GDAP2: variants seen among roughly 807,000 people sequenced by gnomAD.
The protein encoded by GDAP2 is ganglioside-induced differentiation-associated protein 2.
In GDAP2, 51 loss-of-function variants were observed where a neutral mutation model predicts 67.0. That is an observed-to-expected ratio of 0.76 (90% CI 0.61 to 0.96). The LOEUF (loss-of-function observed/expected upper bound fraction) is 0.96. Ranked by LOEUF, GDAP2 falls within the 40% of genes least tolerant of loss-of-function variation. The pLI, the probability that GDAP2 is intolerant of heterozygous loss-of-function variation, is 0.00. For missense variants in GDAP2, 547 were observed against 588.3 expected (o/e 0.93, Z 0.73); for synonymous variants, 203 against 207.3 (o/e 0.98, Z 0.18).
At chr1:117,872,932 A>G (rs1283003061) in intron 13 of GDAP2, among the ~76,000 whole-genome samples, 1 of 152,202 alleles carries the variant, frequency 6.6e-6, no homozygotes, top group African/African-American at 2.4e-5. Flanking sequence ...TGGAAGCTAT[A>G]CTTACAGAAA....
chr1:117,881,913 T>A (rs763406801), intron 11 of GDAP2, 36 bp from the exon 12 acceptor site: 1 of 1,176,144 alleles, frequency 8.5e-7, no homozygotes, highest in South Asian at 1.2e-5. Flanking sequence ...AAAATCAGTA[T>A]AAGTTCATGC....
At chr1:117,877,388 A>T (rs1648497300) in intron 13 of GDAP2, 9 of 983,786 alleles carry the variant, frequency 9.1e-6, no homozygotes, top group Non-Finnish European at 8.4e-6. Flanking sequence ...CTTTTGGCCA[A>T]GTGTGTTACT....
chr1:117,918,847 C>G (rs1198774520), intron 2 of GDAP2, 111 bp from the exon 3 acceptor site: 6 of 886,956 alleles, frequency 6.8e-6, no homozygotes, highest in Non-Finnish European at 8.7e-6. Flanking sequence ...GTTGGTTTTG[C>G]TAGCTCACAA....
intron 13 of GDAP2, chr1:117,877,626 T>C: frequency 1.0e-6 from 1 of 995,460 alleles, no homozygotes; most frequent in Non-Finnish European, 1.2e-6. Context: ...GCCACATGAT[T>C]TGCAATTAAT....
chr1:117,924,561 T>TGA lies in GDAP2; in HGVS notation c.-67-4139_-67-4138dup, dbSNP rs1394284986. On this transcript the variant is annotated intron_variant, in intron 1 of 13. Transcript: ENST00000369443. The stretch of plus-strand genomic sequence containing the variant: ...CAATACATTCCGTGATGTTTCCTGC[T>TGA]GAGAGACATGGGATGCTAATTGGAA... Among the ~76,000 whole-genome samples, 81 of 152,226 alleles carry TGA rather than the reference T, an allele frequency of 5.3e-4. 1 individual carries two copies. Among genetic ancestry groups the TGA allele is most frequent in the Non-Finnish European group, 4.4e-5 (3 of 68,040 alleles).
At position 117,865,319 on chromosome 1, in the gene GDAP2, G is replaced by T. The variant is rs1648020825; in HGVS notation, c.*5250C>A. 1 of 152,140 alleles carries T rather than the reference G, an allele frequency of 6.6e-6. No homozygotes were observed. Among genetic ancestry groups the T allele is most frequent in the Non-Finnish European group, 1.5e-5 (1 of 68,026 alleles). 9.4% of individuals were successfully genotyped at this position (152,140 alleles called of 1,614,324 possible). ...TATTGATTCTTCATAGGCTATATTT[G>T]TATAGAGTGAGACCCTCTTTAAAAG... On this transcript the variant is annotated 3_prime_UTR_variant, in exon 14 of 14. Transcript: ENST00000369443.
intron 13 of GDAP2, among the ~76,000 whole-genome samples, chr1:117,872,330 C>T (rs1042938606): frequency 6.6e-6 from 1 of 152,054 alleles, no homozygotes; most frequent in Non-Finnish European, 1.5e-5. Flanking sequence ...CCCAGCAATC[C>T]CATTACTGGG....
chr1:117,902,849 T>C (rs1385367510), intron 6 of GDAP2, among the ~76,000 whole-genome samples: 2 of 152,220 alleles, frequency 1.3e-5, no homozygotes, highest in Non-Finnish European at 2.9e-5. Flanking sequence ...GTAGGGAGTA[T>C]GGTCAGTACT....
intron 5 of GDAP2, among the ~76,000 whole-genome samples, chr1:117,906,811 AT>A (rs1376377565): frequency 6.6e-6 from 1 of 152,154 alleles, no homozygotes; most frequent in Non-Finnish European, 1.5e-5. Flanking sequence ...TTACTTGTGT[AT>A]TGTTATCCTC....
Position 117,910,281 on chromosome 1 carries a change from C to G in GDAP2, c.559+1713G>C, listed in dbSNP as rs148176088. Among the ~76,000 whole-genome samples the G allele has an allele frequency of 6.0e-4, 91 of 152,180 alleles. 1 individual carries two copies. The East Asian group carries it at 0.016, about 27-fold the overall frequency. On this transcript the variant is annotated intron_variant, in intron 5 of 13. Coordinates refer to ENST00000369443, the MANE Select transcript of GDAP2 (RefSeq NM_017686.4). ...TTTTATTTGTACAACGGACACCACA[C>G]TACCTAAAACACAGGGTTGTTAAGT...
At chr1:117,913,526 G>A (rs949468448) in intron 3 of GDAP2, 1 of 152,048 alleles carries the variant, frequency 6.6e-6, no homozygotes, top group African/African-American at 2.4e-5. Context: ...TAGTTAAAGT[G>A]TTATACTTAA....
chr1:117,886,814 C>T (rs1648872450), intron 9 of GDAP2, among the ~76,000 whole-genome samples, 161 bp from the exon 10 acceptor site: 1 of 114,932 alleles, frequency 8.7e-6, no homozygotes, highest in Non-Finnish European at 1.9e-5. Context: ...TTCTACTCTG[C>T]AGACAACACC....
At position 117,886,516 on chromosome 1, in the gene GDAP2, C is replaced by A. The variant is rs960443766; in HGVS notation, c.1107+61G>T. On this transcript the variant is annotated intron_variant, in intron 10 of 13. Coordinates refer to ENST00000369443, the MANE Select transcript of GDAP2 (RefSeq NM_017686.4). The stretch of plus-strand genomic sequence containing the variant: ...ATATTGTAGGCCTTGATTCCAAATT[C>A]ATATACTACTTATTTTTTCAATCAA... 5.5e-6 allele frequency: 5 copies of A among 907,728 alleles called. No homozygotes were observed. The African/African-American group carries it at 6.5e-5, about 12-fold the overall frequency. 56.2% of individuals were successfully genotyped at this position (907,728 alleles called of 1,614,324 possible).
At chr1:117,906,084 AC>A (rs1649646371) in intron 6 of GDAP2, among the ~76,000 whole-genome samples, 1 of 152,192 alleles carries the variant, frequency 6.6e-6, no homozygotes, top group South Asian at 2.1e-4. Flanking sequence ...AAACCTAACT[AC>A]ATATAACAAA....
chr1:117,875,240 G>C (rs1648415757), intron 13 of GDAP2, among the ~76,000 whole-genome samples: 1 of 152,188 alleles, frequency 6.6e-6, no homozygotes, highest in Admixed American at 6.5e-5. Context: ...GGAGCGACAA[G>C]GCTTTAACAC....
Position 117,878,005 on chromosome 1 carries a change from T to A in GDAP2, c.1446+4A>T. The A allele has an allele frequency of 6.2e-7, 1 of 1,613,172 alleles. No individual in the cohort carries two copies. The highest frequency in any genetic ancestry group is 8.5e-7 in the Non-Finnish European group (1 of 1,179,254). On this transcript the variant is annotated splice_donor_region_variant and intron_variant, in intron 13 of 13. Coordinates refer to ENST00000369443, the MANE Select transcript of GDAP2 (RefSeq NM_017686.4). The stretch of plus-strand genomic sequence containing the variant: ...GGTGAGGGAGAACTTCTGGTACTTC[T>A]TACCCTGGCATCATATTCAAGGACA...
intron 8 of GDAP2, among the ~76,000 whole-genome samples, chr1:117,889,780 T>C (rs1186982448): frequency 6.6e-6 from 1 of 152,140 alleles, no homozygotes; most frequent in Non-Finnish European, 1.5e-5. Context: ...ATATACTAAT[T>C]GTTTATAATG....
At chr1:117,881,680 C>T in intron 12 of GDAP2, 143 bp downstream of exon 12, 1 of 641,104 alleles carries the variant, frequency 1.6e-6, no homozygotes, top group South Asian at 1.9e-5. Flanking sequence ...ACATCAGGAC[C>T]ACAACTCAAG....
At chr1:117,884,607 T>C (rs1648781691) in intron 10 of GDAP2, among the ~76,000 whole-genome samples, 1 of 152,100 alleles carries the variant, frequency 6.6e-6, no homozygotes, top group Non-Finnish European at 1.5e-5. Context: ...ATTATCACCA[T>C]CTATCTCAAT....
Sources: gnomAD v4.1 joint callset for allele counts (sites outside exome capture counted in the v4.1 genomes callset) on GRCh38, gnomAD v4.1.1 for gene constraint, MANE v1.5 for transcripts, NCBI Gene and HGNC (gene_info 2026-07-23, HGNC 2026-07-21) for gene names.